Variants in SLIT3 observed in about 807,000 individuals in gnomAD.
SLIT3 encodes the protein slit homolog 3 protein.
SLIT3 carries 68 observed loss-of-function variants against 184.0 expected under a neutral mutation model. That is an observed-to-expected ratio of 0.37 (90% CI 0.30 to 0.45). The LOEUF (loss-of-function observed/expected upper bound fraction) is 0.45, where lower values mean the gene tolerates loss of function less well. Ranked by LOEUF, SLIT3 falls within the 20% of genes least tolerant of loss-of-function variation. SLIT3 has a pLI of 1.00. For synonymous variants in SLIT3, 831 were observed against 828.6 expected (o/e 1.00, Z -0.05); for missense variants, 1,707 against 2,026.0 (o/e 0.84, Z 3.02).
intron 4 of SLIT3, among the ~76,000 whole-genome samples, chr5:169,047,838 G>A (rs541422309): frequency 1.6e-4 from 24 of 152,188 alleles, no homozygotes; most frequent in South Asian, 8.3e-4. Flanking sequence ...TCCTTAGCCC[G>A]TTTTCCTGAA....
In SLIT3 at chr5:168,753,005, G is replaced by T. The variant is rs541205382; in HGVS notation, c.1923C>A (p.Ile641=). Residue 641 remains isoleucine, a synonymous_variant, in exon 18 of 36, where the codon ATC becomes ATA. Transcript: ENST00000519560. ...TGAAGGCCCCAGGGGTGATGGTGGT[G>T]ATCCGATTGTCATAGAGGGACAGCA... ...VRLLSLYDNR[I]TTITPGAFTT... is the part of the protein sequence containing the mutation. 36 of 1,614,056 alleles carry T rather than the reference G, an allele frequency of 2.2e-5. No individual in the cohort carries two copies. Among genetic ancestry groups the T allele is most frequent in the Middle Eastern group, 3.3e-4 (2 of 6,062 alleles).
At chr5:168,962,311 AACACAC>A (rs70979116) in intron 4 of SLIT3, among the ~76,000 whole-genome samples, 5 of 147,530 alleles carry the variant, frequency 3.4e-5, no homozygotes, top group East Asian at 2.0e-4. Context: ...CCCACCCCAC[AACACAC>A]ACACACACAC....
At position 168,950,794 on chromosome 5, in the gene SLIT3, T is replaced by C. The variant is rs909262094; in HGVS notation, c.414-67458A>G. On this transcript the variant is annotated intron_variant, in intron 4 of 35. Transcript: ENST00000519560. The stretch of plus-strand genomic sequence containing the variant: ...TTTTACCTCAGACTCACCCTGCACA[T>C]ACGCTGACCAAAATGGCAGTTGCAA... Among the ~76,000 whole-genome samples, 9 of 152,350 alleles carry C rather than the reference T, an allele frequency of 5.9e-5. No individual in the cohort carries two copies. The South Asian group carries it at 1.2e-3, about 21-fold the overall frequency.
chr5:169,060,114 G>C (rs1464633409), intron 4 of SLIT3, among the ~76,000 whole-genome samples: 4 of 152,208 alleles, frequency 2.6e-5, no homozygotes, highest in Non-Finnish European at 5.9e-5. Context: ...AATAGGCCAC[G>C]CGCAGCGGCT....
Position 169,026,736 on chromosome 5 carries a change from A to G in SLIT3, c.414-143400T>C, listed in dbSNP as rs74290738. The G allele has an allele frequency of 2.0e-4, 31 of 152,174 alleles. No individual in the cohort carries two copies. In the East Asian group the frequency reaches 5.2e-3, roughly 26 times the overall value. 9.4% of individuals were successfully genotyped at this position (152,174 alleles called of 1,614,324 possible). Reference sequence around the variant, plus strand: ...CTCTGCTGGCTTTTTTAATTTTTATATAATTTTAGCGCCTAAAACAATATT... The same window carrying G: ...CTCTGCTGGCTTTTTTAATTTTTATGTAATTTTAGCGCCTAAAACAATATT... On this transcript the variant is annotated intron_variant, in intron 4 of 35. Transcript: ENST00000519560.
intron 8 of SLIT3, among the ~76,000 whole-genome samples, chr5:168,809,351 C>T (rs1757089127): frequency 6.6e-6 from 1 of 152,166 alleles, no homozygotes; most frequent in Non-Finnish European, 1.5e-5. Flanking sequence ...TCACTAACAC[C>T]ACCTTTAATT....
intron 4 of SLIT3, among the ~76,000 whole-genome samples, chr5:168,911,819 G>A (rs1266323962): frequency 6.6e-6 from 1 of 152,196 alleles, no homozygotes; most frequent in Non-Finnish European, 1.5e-5. Flanking sequence ...TTATCTTAGA[G>A]AGTCTTAGAA....
At chr5:168,939,553 A>G (rs6861142) in intron 4 of SLIT3, among the ~76,000 whole-genome samples, 9,613 of 152,298 alleles carry the variant, frequency 0.063, 751 homozygotes, top group African/African-American at 0.18. Flanking sequence ...CAAGCATTGT[A>G]AACACATTCA....
chr5:169,124,874 T>A (rs1013701190), intron 4 of SLIT3, among the ~76,000 whole-genome samples: 2 of 152,164 alleles, frequency 1.3e-5, no homozygotes, highest in African/African-American at 4.8e-5. Context: ...CCTCTTCACA[T>A]ATGAGCTAAC....
chr5:168,795,657 G>A, intron 9 of SLIT3, 79 bp from the exon 10 acceptor site: 1 of 1,167,120 alleles, frequency 8.6e-7, no homozygotes, highest in Non-Finnish European at 1.3e-6. Context: ...GTGTTCTCTG[G>A]CCTTAAGGAC....
chr5:168,856,034 C>T (rs752019418), intron 5 of SLIT3, among the ~76,000 whole-genome samples: 48 of 152,104 alleles, frequency 3.2e-4, no homozygotes, highest in Middle Eastern at 3.4e-3. Flanking sequence ...GCTTGAACCT[C>T]GGAGGCAGAG....
intron 4 of SLIT3, among the ~76,000 whole-genome samples, chr5:169,079,750 AGAG>A (rs1305870832): frequency 2.2e-5 from 2 of 91,068 alleles, no homozygotes; most frequent in South Asian, 4.8e-4. Flanking sequence ...GGAGGAGAGA[AGAG>A]GAGGAAGAGG....
chr5:169,240,998 T>C (rs1765388294), intron 3 of SLIT3, among the ~76,000 whole-genome samples: 1 of 152,138 alleles, frequency 6.6e-6, no homozygotes, highest in Non-Finnish European at 1.5e-5. Context: ...TTTAATTCCA[T>C]TGACCCTTCC....
intron 6 of SLIT3, among the ~76,000 whole-genome samples, chr5:168,829,950 T>TC (rs1757826422): frequency 6.6e-6 from 1 of 152,126 alleles, no homozygotes. Flanking sequence ...CTTGGGGCTG[T>TC]CCTTTATGTG....
At chr5:168,814,701 C>T (rs1009682821) in intron 8 of SLIT3, among the ~76,000 whole-genome samples, 1 of 152,222 alleles carries the variant, frequency 6.6e-6, no homozygotes, top group East Asian at 1.9e-4. Context: ...TTTGAAAACG[C>T]ATTAGGTTGG....
intron 1 of SLIT3, among the ~76,000 whole-genome samples, chr5:169,285,763 C>G (rs1767133579): frequency 6.6e-6 from 1 of 152,198 alleles, no homozygotes. Flanking sequence ...ACAGTCCCAG[C>G]TGAGCCCAGA....
intron 4 of SLIT3, among the ~76,000 whole-genome samples, chr5:169,016,975 C>T (rs59524107): frequency 3.9e-5 from 6 of 152,252 alleles, no homozygotes; most frequent in African/African-American, 1.4e-4. Flanking sequence ...GTTTGAATCC[C>T]ACTCTTGAAT....
chr5:169,223,367 G>T (rs946007244), intron 3 of SLIT3, among the ~76,000 whole-genome samples: 4 of 152,208 alleles, frequency 2.6e-5, no homozygotes, highest in African/African-American at 4.8e-5. Context: ...CCTTTTGCTG[G>T]CTGGTTCTAA....
chr5:168,753,601 T>C (rs762789150), intron 17 of SLIT3, among the ~76,000 whole-genome samples: 8 of 152,180 alleles, frequency 5.3e-5, no homozygotes, highest in Non-Finnish European at 1.0e-4. Context: ...TAAATCTATA[T>C]ACGTGTATAC....
Sources: gnomAD v4.1 joint callset for allele counts (sites outside exome capture counted in the v4.1 genomes callset) on GRCh38, gnomAD v4.1.1 for gene constraint, MANE v1.5 for transcripts, NCBI Gene and HGNC (gene_info 2026-07-23, HGNC 2026-07-21) for gene names.